Variants in CSMD1 observed in about 807,000 individuals in gnomAD.
CSMD1 encodes the protein CUB and Sushi multiple domains 1.
CSMD1 carries 213 observed loss-of-function variants against 417.5 expected under a neutral mutation model. The ratio of observed to expected loss-of-function variants is 0.51; its 90% CI spans 0.46 to 0.57. The LOEUF is 0.57. CSMD1 is among the 20% of genes least tolerant of loss of function. The pLI is 0.00. For synonymous variants in CSMD1, 2,862 were observed against 1,736.8 expected (o/e 1.65, Z -16.11); for missense variants, 6,923 against 4,529.7 (o/e 1.53, Z -15.17).
intron 1 of CSMD1, among the ~76,000 whole-genome samples, chr8:4,898,555 A>G (rs1487308585): frequency 6.6e-6 from 1 of 152,224 alleles, no homozygotes; most frequent in Non-Finnish European, 1.5e-5. Flanking sequence ...TTTTAAATCC[A>G]AGGGTGAGCA....
chr8:3,941,132 C>A (rs149203000), intron 5 of CSMD1, among the ~76,000 whole-genome samples: 1 of 151,818 alleles, frequency 6.6e-6, no homozygotes, highest in African/African-American at 2.4e-5. Flanking sequence ...CATATGTATA[C>A]AGTTAAGAAG....
At chr8:4,387,489 T>G (rs914000574) in intron 3 of CSMD1, among the ~76,000 whole-genome samples, 1 of 148,630 alleles carries the variant, frequency 6.7e-6, no homozygotes, top group Non-Finnish European at 1.5e-5. Context: ...CATATCATAC[T>G]TGCATAATTG....
intron 27 of CSMD1, among the ~76,000 whole-genome samples, chr8:3,225,155 A>T (rs1395788396): frequency 6.6e-6 from 1 of 152,202 alleles, no homozygotes; most frequent in African/African-American, 2.4e-5. Context: ...ACAATTTTCA[A>T]TAAGGAGTGC....
chr8:3,517,684 G>A (rs891515375), intron 10 of CSMD1, among the ~76,000 whole-genome samples: 1 of 152,100 alleles, frequency 6.6e-6, no homozygotes, highest in Non-Finnish European at 1.5e-5. Flanking sequence ...TTTTTCACTT[G>A]TAGACACAAA....
At chr8:4,605,734 T>C (rs1165995529) in intron 2 of CSMD1, among the ~76,000 whole-genome samples, 1 of 152,230 alleles carries the variant, frequency 6.6e-6, no homozygotes, top group Non-Finnish European at 1.5e-5. Flanking sequence ...ATCCACGATC[T>C]GTGACTTGTA....
chr8:4,407,164 C>T (rs1360050753), intron 3 of CSMD1, among the ~76,000 whole-genome samples: 2 of 152,150 alleles, frequency 1.3e-5, no homozygotes, highest in African/African-American at 2.4e-5. Context: ...GTAACTCTGG[C>T]CCTTTACCAA....
intron 49 of CSMD1, among the ~76,000 whole-genome samples, chr8:3,057,568 A>T (rs939385738): frequency 5.1e-5 from 7 of 138,346 alleles, no homozygotes; most frequent in Non-Finnish European, 4.8e-5. Flanking sequence ...TTATAGTTAT[A>T]GTGTTTTCAC....
At chr8:4,960,902 A>G (rs1342773023) in intron 1 of CSMD1, among the ~76,000 whole-genome samples, 1 of 152,152 alleles carries the variant, frequency 6.6e-6, no homozygotes, top group African/African-American at 2.4e-5. Context: ...CTGAAATACA[A>G]CTATTTACAA....
At chr8:3,234,290 G>A (rs143225719) in intron 26 of CSMD1, among the ~76,000 whole-genome samples, 7 of 152,130 alleles carry the variant, frequency 4.6e-5, no homozygotes, top group Non-Finnish European at 8.8e-5. Context: ...ATTTTATCCA[G>A]CACTTTTACT....
intron 26 of CSMD1, among the ~76,000 whole-genome samples, chr8:3,279,920 C>T (rs1271107177): frequency 1.3e-5 from 2 of 152,160 alleles, no homozygotes; most frequent in African/African-American, 4.8e-5. Flanking sequence ...GGATTATGAG[C>T]ATTACAATTC....
At chr8:4,185,956 G>A (rs766488591) in intron 3 of CSMD1, among the ~76,000 whole-genome samples, 1 of 152,062 alleles carries the variant, frequency 6.6e-6, no homozygotes, top group Non-Finnish European at 1.5e-5. Context: ...TAAGGTCTAC[G>A]GTGGAATACA....
At chr8:3,127,426 C>G (rs930692314) in intron 41 of CSMD1, 2 of 152,160 alleles carry the variant, frequency 1.3e-5, no homozygotes, top group Non-Finnish European at 2.9e-5. Context: ...GGTTTGTATA[C>G]AAGCAACAGT....
chr8:4,642,236 G>A (rs1365438336), intron 1 of CSMD1, among the ~76,000 whole-genome samples: 4 of 152,304 alleles, frequency 2.6e-5, no homozygotes, highest in South Asian at 4.1e-4. Flanking sequence ...CCCTCTTGGA[G>A]GCCGGAAAAC....
intron 1 of CSMD1, among the ~76,000 whole-genome samples, chr8:4,909,559 C>T (rs1450052944): frequency 6.6e-6 from 1 of 152,098 alleles, no homozygotes; most frequent in Non-Finnish European, 1.5e-5. Context: ...GTCCATTTTT[C>T]CTTGACCTGC....
chr8:4,019,931 A>AC (rs1371197774), intron 4 of CSMD1, among the ~76,000 whole-genome samples: 1 of 123,030 alleles, frequency 8.1e-6, no homozygotes, highest in Non-Finnish European at 1.7e-5. Flanking sequence ...AAAAAAAAAA[A>AC]CCCTTTTTTT....
At chr8:4,884,907 T>C (rs1291671515) in intron 1 of CSMD1, among the ~76,000 whole-genome samples, 2 of 152,084 alleles carry the variant, frequency 1.3e-5, no homozygotes, top group African/African-American at 4.8e-5. Context: ...AACATAGATA[T>C]AGGTATTGCA....
chr8:3,284,092 C>T, intron 26 of CSMD1, 52 bp downstream of exon 26: 3 of 1,359,312 alleles, frequency 2.2e-6, no homozygotes, highest in East Asian at 2.5e-5. Context: ...GATCTGTGTT[C>T]ATGACAAGAC....
At chr8:3,535,546 G>A (rs1360142355) in intron 10 of CSMD1, among the ~76,000 whole-genome samples, 1 of 152,102 alleles carries the variant, frequency 6.6e-6, no homozygotes, top group Non-Finnish European at 1.5e-5. Context: ...ACTTGGAAGG[G>A]GGCTGGTGGG....
At chr8:4,039,578 C>T (rs1185360524) in intron 3 of CSMD1, among the ~76,000 whole-genome samples, 2 of 152,130 alleles carry the variant, frequency 1.3e-5, no homozygotes, top group East Asian at 1.9e-4. Flanking sequence ...TCATTGAATG[C>T]CTTCTACTTT....
Sources: gnomAD v4.1 joint callset for allele counts (sites outside exome capture counted in the v4.1 genomes callset) on GRCh38, gnomAD v4.1.1 for gene constraint, MANE v1.5 for transcripts, NCBI Gene and HGNC (gene_info 2026-07-23, HGNC 2026-07-21) for gene names.